SORCS1: variants seen among roughly 807,000 people sequenced by gnomAD.
SORCS1 encodes VPS10 domain-containing receptor SorCS1.
A neutral mutation model predicts 146.1 loss-of-function variants in SORCS1; 60 were observed. The ratio of observed to expected loss-of-function variants is 0.41; its 90% CI spans 0.33 to 0.51. The LOEUF is 0.51. Ranked by LOEUF, SORCS1 falls within the 20% of genes least tolerant of loss-of-function variation. The pLI, the probability that SORCS1 is intolerant of heterozygous loss-of-function variation, is 0.21. For missense variants in SORCS1, 1,352 were observed against 1,487.6 expected (o/e 0.91, Z 1.50); for synonymous variants, 637 against 584.0 (o/e 1.09, Z -1.31).
At chr10:106,836,618 AT>A (rs954740835) in intron 2 of SORCS1, among the ~76,000 whole-genome samples, 2 of 152,144 alleles carry the variant, frequency 1.3e-5, no homozygotes, top group African/African-American at 4.8e-5. Context: ...CTAGTTGAGC[AT>A]TTTTTGGTAA....
intron 1 of SORCS1, among the ~76,000 whole-genome samples, chr10:107,088,931 T>C (rs1403069850): frequency 6.6e-6 from 1 of 151,902 alleles, no homozygotes; most frequent in Non-Finnish European, 1.5e-5. Flanking sequence ...ATGAGCAAGT[T>C]ATTATTTGTT....
rs373797841 is a variant in SORCS1, at chr10:106,699,262, G to A, written c.1365C>T (p.Val455=). The part of the protein sequence containing the change: ...GVYFTLALEN[V]QSSRGPEGNI... Reference sequence around the variant, plus strand: ...TGCCCTCAGGGCCTCTGCTGCTCTGGACATTCTCCAAGGCCAGGGTGAAGT... The same window carrying A: ...TGCCCTCAGGGCCTCTGCTGCTCTGAACATTCTCCAAGGCCAGGGTGAAGT... Residue 455 remains valine, a synonymous_variant, in exon 9 of 26, where the codon GTC becomes GTT. Transcript: ENST00000263054. The A allele has an allele frequency of 7.4e-6, 12 of 1,613,858 alleles. No individual in the cohort carries two copies. Among genetic ancestry groups the A allele is most frequent in the Non-Finnish European group, 1.0e-5 (12 of 1,179,904 alleles).
intron 3 of SORCS1, among the ~76,000 whole-genome samples, chr10:106,801,903 A>G (rs1946921146): frequency 6.6e-6 from 1 of 152,186 alleles, no homozygotes; most frequent in Non-Finnish European, 1.5e-5. Flanking sequence ...GACCACATAG[A>G]TGATAAGTGG....
intron 1 of SORCS1, among the ~76,000 whole-genome samples, chr10:107,132,819 C>A (rs771951391): frequency 2.0e-5 from 3 of 152,110 alleles, no homozygotes; most frequent in African/African-American, 7.2e-5. Context: ...ATGTGTATAA[C>A]CATATTTCTG....
intron 3 of SORCS1, among the ~76,000 whole-genome samples, chr10:106,805,332 C>T (rs1947110126): frequency 6.6e-6 from 1 of 152,140 alleles, no homozygotes; most frequent in African/African-American, 2.4e-5. Context: ...AGAGGTACCT[C>T]TGATGTTGTG....
At chr10:106,833,178 A>T (rs1948633972) in intron 2 of SORCS1, among the ~76,000 whole-genome samples, 1 of 152,306 alleles carries the variant, frequency 6.6e-6, no homozygotes, top group East Asian at 1.9e-4. Context: ...ACCAATCCAG[A>T]TCCCTCAAGG....
At position 106,977,997 on chromosome 10, in the gene SORCS1, T is replaced by G. The variant is rs1416114886; in HGVS notation, c.559-21417A>C. ...TTTGCTCTTGTTGCCCAAGCTGGAG[T>G]GCAAGGCACGATCTCGGCTCACTAC... On this transcript the variant is annotated intron_variant, in intron 1 of 25. Coordinates refer to ENST00000263054, the MANE Select transcript of SORCS1 (RefSeq NM_052918.5). Among the ~76,000 whole-genome samples, 5 of 152,110 alleles carry G rather than the reference T, an allele frequency of 3.3e-5. No homozygotes were observed. In the East Asian group the frequency reaches 7.7e-4, roughly 23 times the overall value.
chr10:107,068,021 G>GA (rs1471472329), intron 1 of SORCS1, among the ~76,000 whole-genome samples: 4 of 152,140 alleles, frequency 2.6e-5, no homozygotes, highest in African/African-American at 9.7e-5. Flanking sequence ...GCTTGGTACA[G>GA]AATAGTTTTG....
intron 23 of SORCS1, among the ~76,000 whole-genome samples, chr10:106,601,696 A>G (rs1846250830): frequency 6.6e-6 from 1 of 152,198 alleles, no homozygotes; most frequent in East Asian, 1.9e-4. Context: ...CATGGCAGCT[A>G]TGCAGTGGTG....
At chr10:106,597,053 C>T (rs890659116) in intron 24 of SORCS1, among the ~76,000 whole-genome samples, 2 of 152,082 alleles carry the variant, frequency 1.3e-5, no homozygotes, top group Admixed American at 6.6e-5. Flanking sequence ...GGTTTCACCA[C>T]GTTGGTCAGA....
chr10:106,870,734 C>G (rs913559134), intron 2 of SORCS1, among the ~76,000 whole-genome samples: 1 of 152,102 alleles, frequency 6.6e-6, no homozygotes, highest in African/African-American at 2.4e-5. Flanking sequence ...CTATAGAAAT[C>G]TTGGAAGACA....
intron 3 of SORCS1, among the ~76,000 whole-genome samples, chr10:106,813,882 A>C (rs1215918400): frequency 6.6e-6 from 1 of 152,170 alleles, no homozygotes; most frequent in Non-Finnish European, 1.5e-5. Context: ...CAGCCCGGGA[A>C]TTGAAGGCTG....
At chr10:106,826,258 T>A (rs190006205) in intron 3 of SORCS1, among the ~76,000 whole-genome samples, 1 of 152,366 alleles carries the variant, frequency 6.6e-6, no homozygotes, top group Non-Finnish European at 1.5e-5. Context: ...GTTGTCAGTT[T>A]TATTCCAGTT....
chr10:106,993,651 A>T (rs1426312453), intron 1 of SORCS1, among the ~76,000 whole-genome samples: 2 of 152,204 alleles, frequency 1.3e-5, no homozygotes, highest in Non-Finnish European at 2.9e-5. Context: ...TTCACAGTTG[A>T]AACTGTCAAC....
intron 21 of SORCS1, among the ~76,000 whole-genome samples, chr10:106,617,862 A>C (rs1277039184): frequency 1.3e-5 from 2 of 152,214 alleles, no homozygotes; most frequent in Admixed American, 6.5e-5. Flanking sequence ...TAACAATCTA[A>C]GTGAAATGAG....
chr10:106,862,780 C>CAAAAAAAA (rs58654489), intron 2 of SORCS1, among the ~76,000 whole-genome samples: 1 of 60,248 alleles, frequency 1.7e-5, no homozygotes, highest in Non-Finnish European at 3.2e-5. Flanking sequence ...CCTGTCTCTA[C>CAAAAAAAA]AAAAAAAAAA....
chr10:107,146,178 T>C (rs1968306380), intron 1 of SORCS1, among the ~76,000 whole-genome samples: 1 of 152,180 alleles, frequency 6.6e-6, no homozygotes, highest in African/African-American at 2.4e-5. Flanking sequence ...TACATGTGTG[T>C]CTGTATAAAT....
intron 1 of SORCS1, among the ~76,000 whole-genome samples, chr10:107,132,518 G>A (rs778817241): frequency 2.0e-5 from 3 of 152,258 alleles, no homozygotes; most frequent in East Asian, 1.9e-4. Flanking sequence ...TCTTTAGCAC[G>A]CTAACAGTAG....
At chr10:106,685,909 T>A (rs1449456244) in intron 10 of SORCS1, among the ~76,000 whole-genome samples, 5 of 152,172 alleles carry the variant, frequency 3.3e-5, no homozygotes, top group Non-Finnish European at 2.9e-5. Context: ...TATAGTAAAA[T>A]AAAGTGGATC....
Sources: allele counts gnomAD v4.1 joint callset (sites outside exome capture counted in the v4.1 genomes callset), GRCh38; gene constraint gnomAD v4.1.1; transcripts MANE v1.5; gene names NCBI Gene and HGNC (gene_info 2026-07-23, HGNC 2026-07-21).